Variants in DISC1 observed in about 807,000 individuals in gnomAD.
The protein encoded by DISC1 is DISC1 scaffold protein.
In DISC1, 57 loss-of-function variants were observed where a neutral mutation model predicts 84.5. The ratio of observed to expected loss-of-function variants is 0.67; its 90% CI spans 0.55 to 0.84. The LOEUF (loss-of-function observed/expected upper bound fraction) is 0.84. DISC1 is among the 40% of genes least tolerant of loss of function. The pLI, the probability that DISC1 is intolerant of heterozygous loss-of-function variation, is 0.00. For missense variants in DISC1, 1,000 were observed against 1,057.8 expected, an observed-to-expected ratio of 0.95 and a Z score of 0.76; for synonymous variants, 411 against 415.2, an observed-to-expected ratio of 0.99 and a Z score of 0.12.
chr1:231,923,306 C>CAAAA (rs1558738260), intron 9 of DISC1, among the ~76,000 whole-genome samples: 2 of 109,416 alleles, frequency 1.8e-5, no homozygotes, highest in Non-Finnish European at 4.1e-5. Context: ...ACAAAAAAAA[C>CAAAA]CAAAAAAAAA....
At chr1:231,740,975 A>G (rs2073188577) in intron 3 of DISC1, among the ~76,000 whole-genome samples, 1 of 152,212 alleles carries the variant, frequency 6.6e-6, no homozygotes. Flanking sequence ...TGTAACATGT[A>G]TGAAAGTGCT....
At chr1:232,004,536 T>G (rs924316755) in intron 10 of DISC1, among the ~76,000 whole-genome samples, 1 of 152,100 alleles carries the variant, frequency 6.6e-6, no homozygotes, top group African/African-American at 2.4e-5. Context: ...GAATAGAATG[T>G]AAAAGTTAAA....
intron 6 of DISC1, among the ~76,000 whole-genome samples, chr1:231,790,505 CTCT>C (rs2078251315): frequency 6.6e-6 from 1 of 151,830 alleles, no homozygotes; most frequent in African/African-American, 2.4e-5. Flanking sequence ...GTCTCCGCAT[CTCT>C]TCTTTTCTTT....
At chr1:231,874,433 A>G (rs543447612) in intron 9 of DISC1, among the ~76,000 whole-genome samples, 14 of 151,912 alleles carry the variant, frequency 9.2e-5, no homozygotes, top group African/African-American at 3.1e-4. Context: ...TGCTGAGATT[A>G]TAGGTGTGAG....
chr1:231,831,658 A>G (rs1391126284), intron 9 of DISC1, among the ~76,000 whole-genome samples: 1 of 98,898 alleles, frequency 1.0e-5, no homozygotes, highest in Non-Finnish European at 2.2e-5. Context: ...CGCCTTGAGC[A>G]GAGTTTTTAT....
At chr1:231,774,329 C>CA (rs750454169) in intron 6 of DISC1, among the ~76,000 whole-genome samples, 11 of 152,088 alleles carry the variant, frequency 7.2e-5, no homozygotes, top group Non-Finnish European at 1.0e-4. Context: ...TTAAAAGGTA[C>CA]AAAAAACCTG....
At chr1:231,754,319 G>A (rs2074914703) in intron 4 of DISC1, among the ~76,000 whole-genome samples, 1 of 152,212 alleles carries the variant, frequency 6.6e-6, no homozygotes. Flanking sequence ...TCTGCAGGAT[G>A]TACAGGAAGC....
chr1:231,910,005 G>A (rs564434123), intron 9 of DISC1, among the ~76,000 whole-genome samples: 9 of 152,182 alleles, frequency 5.9e-5, no homozygotes, highest in Admixed American at 3.9e-4. Flanking sequence ...CTGTATTTCT[G>A]TGGGATCGGT....
intron 9 of DISC1, among the ~76,000 whole-genome samples, chr1:231,918,943 A>T (rs902932336): frequency 5.3e-5 from 8 of 152,210 alleles, no homozygotes; most frequent in African/African-American, 1.9e-4. Context: ...GCTACATTCC[A>T]TTCCCTATGC....
At chr1:231,959,933 C>T in intron 10 of DISC1, among the ~76,000 whole-genome samples, 1 of 152,176 alleles carries the variant, frequency 6.6e-6, no homozygotes, top group East Asian at 1.9e-4. Flanking sequence ...ATCTCAACTG[C>T]AGCTGCCATT....
intron 3 of DISC1, among the ~76,000 whole-genome samples, chr1:231,747,687 TG>T (rs982285772): frequency 7.9e-5 from 12 of 152,308 alleles, no homozygotes; most frequent in African/African-American, 2.6e-4. Context: ...TTTTGAGGTC[TG>T]GTAGTGTGAT....
chr1:231,862,002 G>T (rs935976417), intron 9 of DISC1, among the ~76,000 whole-genome samples: 1 of 152,134 alleles, frequency 6.6e-6, no homozygotes, highest in Admixed American at 6.5e-5. Flanking sequence ...ATCTCCCACT[G>T]TGGCTGATTT....
At chr1:231,907,682 A>G (rs961633044) in intron 9 of DISC1, among the ~76,000 whole-genome samples, 2 of 152,206 alleles carry the variant, frequency 1.3e-5, no homozygotes, top group Non-Finnish European at 2.9e-5. Context: ...TCCTTTGGGT[A>G]TATACCCAGT....
chr1:231,772,416 T>C (rs1449126744), intron 6 of DISC1, among the ~76,000 whole-genome samples: 1 of 152,204 alleles, frequency 6.6e-6, no homozygotes, highest in African/African-American at 2.4e-5. Context: ...AATGGTCGGC[T>C]TGGCCACTGT....
intron 11 of DISC1, among the ~76,000 whole-genome samples, chr1:232,017,949 A>G (rs1668630788): frequency 6.6e-6 from 1 of 152,196 alleles, no homozygotes; most frequent in South Asian, 2.1e-4. Context: ...GACTATTTAA[A>G]TCATCTTGAT....
intron 3 of DISC1, among the ~76,000 whole-genome samples, chr1:231,716,034 G>A (rs1218171292): frequency 1.3e-5 from 2 of 152,126 alleles, no homozygotes; most frequent in Admixed American, 1.3e-4. Context: ...TGCTGTGTGG[G>A]TGGAAGGTTA....
chr1:231,980,250 G>A (rs1319221543), intron 10 of DISC1, among the ~76,000 whole-genome samples: 1 of 152,188 alleles, frequency 6.6e-6, no homozygotes, highest in African/African-American at 2.4e-5. Flanking sequence ...TTCTGCATCT[G>A]GCGCCACAAC....
At chr1:231,999,595 C>T (rs1385031574) in intron 10 of DISC1, among the ~76,000 whole-genome samples, 2 of 152,162 alleles carry the variant, frequency 1.3e-5, no homozygotes, top group East Asian at 1.9e-4. Context: ...GTGTTCTCCT[C>T]TCCCCTCCCT....
Position 231,630,450 on chromosome 1 carries a change from A to C in DISC1, c.67+3516A>C, listed in dbSNP as rs1317886990. ...CAGGATTACAGATGTGAACCATTGC[A>C]CCTGGCCAGAATCATTCTTTTGATA... On this transcript the variant is annotated intron_variant, in intron 1 of 12. Coordinates refer to ENST00000439617, the MANE Select transcript of DISC1 (RefSeq NM_018662.3). The surrounding 1 kb of genome is among the most constrained non-coding windows in gnomAD (Gnocchi z 4.4). Among the ~76,000 whole-genome samples, 2 of 151,676 alleles carry C rather than the reference A, an allele frequency of 1.3e-5. No individual in the cohort carries two copies. The highest frequency in any genetic ancestry group is 4.8e-5 in the African/African-American group (2 of 41,248).
Sources: gnomAD v4.1 joint callset for allele counts (sites outside exome capture counted in the v4.1 genomes callset) on GRCh38, gnomAD v4.1.1 for gene constraint, Gnocchi (gnomAD v3.1) non-coding constraint, MANE v1.5 for transcripts, NCBI Gene and HGNC (gene_info 2026-07-23, HGNC 2026-07-21) for gene names.